Variants in CLSTN1 observed in about 807,000 individuals in gnomAD.
CLSTN1 encodes the protein calsyntenin-1.
Under a neutral mutation model 108.3 loss-of-function variants are expected in CLSTN1, and 28 were observed. That is an observed-to-expected ratio of 0.26 (90% CI 0.19 to 0.35). The LOEUF (loss-of-function observed/expected upper bound fraction) is 0.35, where lower values mean the gene tolerates loss of function less well. Among genes scored for constraint, CLSTN1 ranks in the 10% least tolerant of loss-of-function variants. The pLI is 1.00. For missense variants in CLSTN1, 1,157 were observed against 1,302.6 expected (o/e 0.89, Z 1.72); for synonymous variants, 524 against 534.9 (o/e 0.98, Z 0.28).
At chr1:9,801,313 T>G (rs1157928521) in intron 1 of CLSTN1, among the ~76,000 whole-genome samples, 2 of 152,112 alleles carry the variant, frequency 1.3e-5, no homozygotes, top group Admixed American at 6.6e-5. Flanking sequence ...TAGATGAAAT[T>G]TATCAATTCC....
In CLSTN1 at chr1:9,755,227, G is replaced by T. The variant is rs780152998; in HGVS notation, c.327C>A (p.Val109=). ...VVVDKSTGEG[V]IRSKEKLDCE... is the part of the protein sequence containing the mutation. ...AGTCCAGTTTCTCTTTGGAGCGAAT[G>T]ACTCCCTCACCAGTGGATTTATCCA... Residue 109 remains valine (V), a synonymous_variant, in exon 4 of 19, where the codon GTC becomes GTA. Transcript: ENST00000377298. 6.2e-7 allele frequency: 1 copy of T among 1,614,058 alleles called. No individual in the cohort carries two copies.
rs968640580 is a variant in CLSTN1 at position 9,807,348 on chromosome 1, C to A, written c.91+16295G>T. ...CCATTAGAAGTCACTACACGGACTA[C>A]GTCACCATTATTTACAAACGACAAC... On this transcript the variant is annotated intron_variant, in intron 1 of 18. Coordinates refer to ENST00000377298, the MANE Select transcript of CLSTN1 (RefSeq NM_001009566.3). 2.6e-5 allele frequency among the ~76,000 whole-genome samples: 4 copies of A among 152,070 alleles called. No homozygotes were observed. In the East Asian group the frequency reaches 7.7e-4, roughly 29 times the overall value.
chr1:9,735,786 C>T (rs1258647897), intron 12 of CLSTN1, 99 bp downstream of exon 12: 14 of 1,517,978 alleles, frequency 9.2e-6, no homozygotes, highest in East Asian at 2.3e-5. Context: ...CAACAGTAAA[C>T]GTATCAATCA....
chr1:9,774,831 C>T (rs551553345), intron 1 of CLSTN1, among the ~76,000 whole-genome samples: 1 of 152,100 alleles, frequency 6.6e-6, no homozygotes, highest in East Asian at 1.9e-4. Flanking sequence ...GGCTGCTGGT[C>T]GGCTATTTTT....
At position 9,729,092 on chromosome 1, in the gene CLSTN1, C is replaced by T. The variant is rs14271; in HGVS notation, c.*1416G>A. On this transcript the variant is annotated 3_prime_UTR_variant, in exon 19 of 19. Coordinates refer to ENST00000377298, the MANE Select transcript of CLSTN1 (RefSeq NM_001009566.3). ...GACCTATCATGAGTATACACATCTG[C>T]GAAGGGAAACCGCGCGGCGACAGCG... The T allele has an allele frequency of 0.021, 3,232 of 152,250 alleles. 132 individuals carry two copies. The highest frequency in any genetic ancestry group is 0.069 in the African/African-American group (2,860 of 41,518). The allele number at this position is 152,250 out of a possible 1,614,324, so 9.4% of individuals were successfully genotyped here. A position where few individuals can be genotyped will look rare whatever the true frequency, so the allele number is the denominator to read the frequency against.
intron 1 of CLSTN1, among the ~76,000 whole-genome samples, chr1:9,789,839 C>T (rs912443705): frequency 2.0e-5 from 3 of 151,114 alleles, no homozygotes; most frequent in Non-Finnish European, 4.4e-5. Flanking sequence ...ATTAGCCAGG[C>T]GTGGTGATGC....
intron 1 of CLSTN1, among the ~76,000 whole-genome samples, chr1:9,790,402 T>C (rs1334960390): frequency 6.6e-6 from 1 of 151,526 alleles, no homozygotes; most frequent in East Asian, 2.0e-4. Context: ...TGCTGTGACT[T>C]TTCTTTTTTA....
chr1:9,739,966 G>A (rs1281855003), intron 10 of CLSTN1, among the ~76,000 whole-genome samples: 2 of 151,924 alleles, frequency 1.3e-5, no homozygotes, highest in Admixed American at 6.6e-5. Flanking sequence ...ACAGGCACCC[G>A]CCACCATGCC....
At chr1:9,796,765 C>T (rs1037558718) in intron 1 of CLSTN1, among the ~76,000 whole-genome samples, 3 of 152,130 alleles carry the variant, frequency 2.0e-5, no homozygotes, top group Non-Finnish European at 4.4e-5. Context: ...AATAATAAAC[C>T]CATGGAAACC....
chr1:9,734,889 T>C lies in CLSTN1; in HGVS notation c.2110+59A>G, dbSNP rs1650599819. The C allele has an allele frequency of 7.1e-7, 1 of 1,416,976 alleles. No homozygotes were observed. Among genetic ancestry groups the C allele is most frequent in the Non-Finnish European group, 1.0e-6 (1 of 1,002,962 alleles). The allele number at this position is 1,416,976 out of a possible 1,614,324, so 87.8% of individuals were successfully genotyped here. A position where few individuals can be genotyped will look rare whatever the true frequency, so the allele number is the denominator to read the frequency against. On this transcript the variant is annotated intron_variant, in intron 14 of 18. Transcript: ENST00000377298. This position sits in a 1 kb window ranked among gnomAD's most constrained non-coding sequence, Gnocchi z 4.8. The stretch of plus-strand genomic sequence containing the variant: ...GAGACAAAGAGCCCCGCCAAGTACA[T>C]GGGGACAATGGGGTTTCCGGCCGAG...
chr1:9,793,243 C>T (rs553441047), intron 1 of CLSTN1, among the ~76,000 whole-genome samples: 5 of 151,520 alleles, frequency 3.3e-5, no homozygotes, highest in South Asian at 4.3e-4. Flanking sequence ...GAACTCCTGA[C>T]GTCAGGTGAT....
intron 8 of CLSTN1, 52 bp downstream of exon 8, chr1:9,744,343 C>T: frequency 6.4e-7 from 1 of 1,552,162 alleles, no homozygotes; most frequent in Non-Finnish European, 8.7e-7. Context: ...CCGCTGGCAC[C>T]CACCCTACTG....
intron 7 of CLSTN1, among the ~76,000 whole-genome samples, chr1:9,745,502 C>A: frequency 6.6e-6 from 1 of 151,804 alleles, no homozygotes; most frequent in East Asian, 2.0e-4. Context: ...ACAAAAAACA[C>A]AAAAATTAGC....
chr1:9,756,589 G>A, intron 2 of CLSTN1, 79 bp from the exon 3 acceptor site: 2 of 1,234,564 alleles, frequency 1.6e-6, no homozygotes, highest in Non-Finnish European at 1.2e-6. Flanking sequence ...AAAAGTCAAA[G>A]GTGCACATAT....
intron 7 of CLSTN1, 21 bp downstream of exon 7, chr1:9,749,440 A>G (rs1651440928): frequency 6.3e-7 from 1 of 1,587,332 alleles, no homozygotes; most frequent in Non-Finnish European, 8.6e-7. Context: ...AGCCGGATGC[A>G]AGAACGCCTG....
chr1:9,811,841 T>C (rs910359174), intron 1 of CLSTN1, among the ~76,000 whole-genome samples: 1 of 152,122 alleles, frequency 6.6e-6, no homozygotes, highest in Non-Finnish European at 1.5e-5. Flanking sequence ...TCAAATCATT[T>C]TAAAAGTAAA....
intron 1 of CLSTN1, among the ~76,000 whole-genome samples, chr1:9,815,327 A>G (rs540064591): frequency 6.6e-5 from 10 of 152,342 alleles, no homozygotes; most frequent in African/African-American, 2.4e-4. Flanking sequence ...ACACACAAGA[A>G]CATATGAGGA....
Position 9,814,918 on chromosome 1 carries a change from A to T in CLSTN1, c.91+8725T>A, listed in dbSNP as rs866315773. On this transcript the variant is annotated intron_variant, in intron 1 of 18. Coordinates refer to ENST00000377298, the MANE Select transcript of CLSTN1 (RefSeq NM_001009566.3). Reference sequence around the variant, plus strand: ...CTGTCTCAAAAAAAAAAAAAGAAAAATGTCACTTTTCTAAACTAGTTGTAG... The same window carrying T: ...CTGTCTCAAAAAAAAAAAAAGAAAATTGTCACTTTTCTAAACTAGTTGTAG... Among the ~76,000 whole-genome samples, 824 of 151,924 alleles carry T rather than the reference A, an allele frequency of 5.4e-3. 11 individuals are homozygous for T. The highest frequency in any genetic ancestry group is 0.019 in the African/African-American group (797 of 41,454).
At chr1:9,737,669 C>T (rs972288423) in intron 10 of CLSTN1, 115 bp from the exon 11 acceptor site, 5 of 860,446 alleles carry the variant, frequency 5.8e-6, no homozygotes, top group Non-Finnish European at 7.7e-6. Flanking sequence ...GAGAAAATTC[C>T]CTCGTGATCC....
Sources: allele counts gnomAD v4.1 joint callset (sites outside exome capture counted in the v4.1 genomes callset), GRCh38; gene constraint gnomAD v4.1.1; non-coding constraint Gnocchi (gnomAD v3.1); transcripts MANE v1.5; gene names NCBI Gene and HGNC (gene_info 2026-07-23, HGNC 2026-07-21).